Variants in DNMBP observed in about 807,000 individuals in gnomAD.
DNMBP encodes the protein dynamin binding protein.
Under a neutral mutation model 150.0 loss-of-function variants are expected in DNMBP, and 87 were observed. The observed-to-expected ratio is 0.58, with a 90% CI of 0.49 to 0.69. DNMBP has a LOEUF of 0.69. Among genes scored for constraint, DNMBP ranks in the 30% least tolerant of loss-of-function variants. DNMBP has a pLI of 0.00. For synonymous variants in DNMBP, 711 were observed against 750.4 expected (o/e 0.95, Z 0.86); for missense variants, 1,774 against 1,949.0 (o/e 0.91, Z 1.69).
chr10:99,976,143 A>G (rs61873791), intron 1 of DNMBP, among the ~76,000 whole-genome samples: 6,742 of 152,344 alleles, frequency 0.044, 165 homozygotes, highest in South Asian at 0.087. Context: ...AATAAACATT[A>G]GTCATTATTA....
At chr10:99,886,708 C>G (rs1013561874) in intron 12 of DNMBP, 76 bp from the exon 13 acceptor site, 70 of 1,427,158 alleles carry the variant, frequency 4.9e-5, no homozygotes, top group Non-Finnish European at 6.4e-5. Context: ...ACTCTTAAGG[C>G]TGACTTTGTT....
chr10:99,920,352 GGT>G (rs2040009916), intron 4 of DNMBP, among the ~76,000 whole-genome samples: 1 of 152,140 alleles, frequency 6.6e-6, no homozygotes, highest in African/African-American at 2.4e-5. Context: ...TGGGACTACA[GGT>G]GTGAGCCACC....
chr10:99,998,793 A>T (rs1268277757), intron 1 of DNMBP, among the ~76,000 whole-genome samples: 1 of 151,982 alleles, frequency 6.6e-6, no homozygotes, highest in South Asian at 2.1e-4. Flanking sequence ...AGGGAATCCT[A>T]TTTTTTTTAA....
In DNMBP at chr10:99,908,957, G is replaced by A; in HGVS notation, c.2450C>T (p.Ala817Val). 6.2e-7 allele frequency: 1 copy of A among 1,612,720 alleles called. No homozygotes were observed. Among genetic ancestry groups the A allele is most frequent in the Non-Finnish European group, 8.5e-7 (1 of 1,179,176 alleles). The change falls in exon 5 of 17, where the codon GCA becomes GTA. Residue 817 changes from alanine (A) to valine (V), a missense_variant. Around this residue, in one of 2 missense-constraint regions of DNMBP, gnomAD observed 1,430 missense variants for 1,492.5 expected, o/e 0.96. Transcript: ENST00000324109. ...ACTCTGTCTCCCAGTTCCCACCTGT[G>A]CCTGCTGCATGGGTACCATGATCCG... The part of the protein sequence containing the change: ...IERIMVPMQQ[A>V]QVPNIDFEGL...
chr10:99,889,219 G>T (rs2039520036), intron 11 of DNMBP: 2 of 275,688 alleles, frequency 7.3e-6, no homozygotes, highest in Non-Finnish European at 6.8e-6. Context: ...CCCTAATAGG[G>T]TTTCTTAATT....
At chr10:99,902,927 TA>T (rs775080360) in intron 6 of DNMBP, among the ~76,000 whole-genome samples, 1,219 of 135,080 alleles carry the variant, frequency 9.0e-3, no homozygotes, top group African/African-American at 0.013. Flanking sequence ...ATTCTGTCTT[TA>T]AAAAAAAAAA....
intron 4 of DNMBP, among the ~76,000 whole-genome samples, chr10:99,944,143 T>C (rs1348251695): frequency 6.6e-6 from 1 of 152,184 alleles, no homozygotes; most frequent in Non-Finnish European, 1.5e-5. Context: ...AAAGTAGCCA[T>C]TGGTCATGAT....
chr10:99,931,639 C>T (rs1386183529), intron 4 of DNMBP, among the ~76,000 whole-genome samples: 1 of 152,002 alleles, frequency 6.6e-6, no homozygotes, highest in African/African-American at 2.4e-5. Flanking sequence ...TTTAAGAAGT[C>T]GAAAATGAGG....
chr10:99,884,729 C>A (rs558491236), intron 14 of DNMBP, among the ~76,000 whole-genome samples: 1 of 151,888 alleles, frequency 6.6e-6, no homozygotes, highest in South Asian at 2.1e-4. Flanking sequence ...GTCAACATAG[C>A]GAAACCCTGT....
In DNMBP at chr10:99,892,204, C is replaced by T. The variant is rs1356059263; in HGVS notation, c.3156+2742G>A. 4.0e-5 allele frequency among the ~76,000 whole-genome samples: 6 copies of T among 149,192 alleles called. No individual in the cohort carries two copies. The East Asian group carries it at 5.9e-4, about 15-fold the overall frequency. On this transcript the variant is annotated intron_variant, in intron 11 of 16. Transcript: ENST00000324109. Reference sequence around the variant, plus strand: ...CAGCCCCCTGCCCGGCCAGCCGCCCCGTCCGGGAGGTGAGGGGCGCCTCTG... The same window carrying T: ...CAGCCCCCTGCCCGGCCAGCCGCCCTGTCCGGGAGGTGAGGGGCGCCTCTG...
At chr10:99,967,668 GGTGTGTGTGT>G (rs140839578) in intron 3 of DNMBP, among the ~76,000 whole-genome samples, 19 of 145,642 alleles carry the variant, frequency 1.3e-4, no homozygotes, top group Middle Eastern at 3.6e-3. Flanking sequence ...GGTTTTTCTG[GGTGTGTGTGT>G]GTGTGTGTGT....
At chr10:99,898,057 C>T (rs761917669) in intron 9 of DNMBP, 29 bp downstream of exon 9, 24 of 1,583,798 alleles carry the variant, frequency 1.5e-5, no homozygotes, top group Non-Finnish European at 2.1e-5. Context: ...AAGGGCATAC[C>T]TCCTTTTCAG....
intron 1 of DNMBP, among the ~76,000 whole-genome samples, chr10:100,002,123 A>C (rs1276189196): frequency 6.6e-6 from 1 of 152,190 alleles, no homozygotes; most frequent in African/African-American, 2.4e-5. Flanking sequence ...AGAAAATGAT[A>C]TAGTGCAATG....
intron 4 of DNMBP, among the ~76,000 whole-genome samples, chr10:99,912,309 TG>T (rs1412271540): frequency 3.9e-5 from 6 of 152,170 alleles, no homozygotes; most frequent in Non-Finnish European, 8.8e-5. Context: ...TGGAAACCAC[TG>T]TGTACTCTCC....
At chr10:99,962,184 A>G (rs1356319223) in intron 3 of DNMBP, among the ~76,000 whole-genome samples, 1 of 147,248 alleles carries the variant, frequency 6.8e-6, no homozygotes, top group East Asian at 1.9e-4. Context: ...AGCACCTAAC[A>G]TAAGATTTTA....
At position 99,891,839 on chromosome 10, in the gene DNMBP, G is replaced by A. The variant is rs1484577447; in HGVS notation, c.3157-2886C>T. Among the ~76,000 whole-genome samples, 3 of 151,702 alleles carry A rather than the reference G, an allele frequency of 2.0e-5. No homozygotes were observed. The East Asian group carries it at 5.8e-4, about 29-fold the overall frequency. On this transcript the variant is annotated intron_variant, in intron 11 of 16. Coordinates refer to ENST00000324109, the MANE Select transcript of DNMBP (RefSeq NM_015221.4). ...TCTGCCCCGCCGCCCCATCTGGGATGTGAGGAGCGCCTCTGCCCGGCCACG... is the reference window on the plus strand; with the variant it reads ...TCTGCCCCGCCGCCCCATCTGGGATATGAGGAGCGCCTCTGCCCGGCCACG...
chr10:99,890,176 C>T (rs965918993), intron 11 of DNMBP, among the ~76,000 whole-genome samples: 2 of 152,170 alleles, frequency 1.3e-5, no homozygotes, highest in African/African-American at 4.8e-5. Context: ...AGTGGGAGAT[C>T]TAATGTGAAA....
chr10:99,977,204 C>T (rs569927462), intron 1 of DNMBP, among the ~76,000 whole-genome samples: 56 of 152,258 alleles, frequency 3.7e-4, no homozygotes, highest in South Asian at 2.7e-3. Flanking sequence ...ACTGAAGTCA[C>T]GGCCTCGCTA....
intron 4 of DNMBP, chr10:99,930,257 C>T (rs944050260): frequency 8.4e-5 from 59 of 702,902 alleles, no homozygotes; most frequent in African/African-American, 1.4e-4. Context: ...GACCTAAATT[C>T]GCTGAAGAAT....
Sources: gnomAD v4.1 joint callset for allele counts (sites outside exome capture counted in the v4.1 genomes callset) on GRCh38, gnomAD v4.1.1 for gene constraint, gnomAD v4.1.1 regional missense constraint, MANE v1.5 for transcripts, NCBI Gene and HGNC (gene_info 2026-07-23, HGNC 2026-07-21) for gene names.